EVC2: variants seen among roughly 807,000 people sequenced by gnomAD.
EVC2 encodes limbin.
Under a neutral mutation model 149.3 loss-of-function variants are expected in EVC2, and 148 were observed. That is an observed-to-expected ratio of 0.99 (90% confidence interval 0.87 to 1.14). EVC2 has a LOEUF of 1.14. Ranked by LOEUF, EVC2 falls within the 50% of genes most tolerant of loss-of-function variation. The pLI is 0.00. For synonymous variants in EVC2, 776 were observed against 649.9 expected, an observed-to-expected ratio of 1.19 and a Z score of -2.95; for missense variants, 1,854 against 1,627.3, an observed-to-expected ratio of 1.14 and a Z score of -2.40.
In EVC2 at chr4:5,625,976, G is replaced by C; in HGVS notation, c.1887-68C>G. The stretch of plus-strand genomic sequence containing the variant: ...TCACCTGTAGCTTAACTGCTATTGT[G>C]CCTGAACATTCATCTCCATATTAGT... On this transcript the variant is annotated intron_variant, in intron 12 of 21. Coordinates refer to ENST00000344408, the MANE Select transcript of EVC2 (RefSeq NM_147127.5). The surrounding 1 kb of genome is among the most constrained non-coding windows in gnomAD (Gnocchi z 4.0). 1.3e-6 allele frequency: 2 copies of C among 1,578,634 alleles called. No individual in the cohort carries two copies. Among genetic ancestry groups the C allele is most frequent in the South Asian group, 2.2e-5 (2 of 90,024 alleles).
intron 8 of EVC2, 140 bp downstream of exon 8, chr4:5,665,375 G>A (rs1719197865): frequency 2.4e-6 from 3 of 1,249,916 alleles, no homozygotes; most frequent in Non-Finnish European, 3.4e-6. Flanking sequence ...CAGTTTTGGA[G>A]GTGGGCCCTG....
chr4:5,588,412 T>C (rs1426032947), intron 16 of EVC2, among the ~76,000 whole-genome samples: 1 of 152,204 alleles, frequency 6.6e-6, no homozygotes, highest in Non-Finnish European at 1.5e-5. Flanking sequence ...ACTGAGCTTC[T>C]TAAATCTGTG....
downstream of EVC2, among the ~76,000 whole-genome samples, chr4:5,560,367 C>G (rs542109981): frequency 2.8e-4 from 43 of 152,272 alleles, no homozygotes; most frequent in Non-Finnish European, 5.4e-4. The surrounding 1 kb of genome is among the most constrained non-coding windows in gnomAD (Gnocchi z 4.1). Context: ...CTCACAGTTC[C>G]ACATGACTGG....
At position 5,567,413 on chromosome 4, in the gene EVC2, T is replaced by C. The variant is rs138314242; in HGVS notation, c.3557+1031A>G. Among the ~76,000 whole-genome samples, 1 of 151,242 alleles carries C rather than the reference T, an allele frequency of 6.6e-6. No homozygotes were observed. Among genetic ancestry groups the C allele is most frequent in the African/African-American group, 2.4e-5 (1 of 41,098 alleles). On this transcript the variant is annotated intron_variant, in intron 20 of 21. Coordinates refer to ENST00000344408, the MANE Select transcript of EVC2 (RefSeq NM_147127.5). This position sits in a 1 kb window ranked among gnomAD's most constrained non-coding sequence, Gnocchi z 4.4. ...TTACCCCTTTTCTCAGGACAAATGC[T>C]ATCTACACAGTCATGATGGTTCAGC...
At chr4:5,562,421 G>C, downstream of EVC2, 1 of 1,004,372 alleles carries the variant, frequency 1.0e-6, no homozygotes, top group Non-Finnish European at 1.2e-6. This position sits in a 1 kb window ranked among gnomAD's most constrained non-coding sequence, Gnocchi z 4.3. Context: ...AGCAAACATG[G>C]GTTTTGTAAT....
chr4:5,643,890 C>G (rs1488966751), intron 9 of EVC2, among the ~76,000 whole-genome samples: 1 of 152,040 alleles, frequency 6.6e-6, no homozygotes, highest in African/African-American at 2.4e-5. Context: ...GCGAGACTGT[C>G]TCAAAATAAA....
At chr4:5,538,765 C>T (rs1338824463), downstream of EVC2, among the ~76,000 whole-genome samples, 1 of 152,004 alleles carries the variant, frequency 6.6e-6, no homozygotes, top group African/African-American at 2.4e-5. Flanking sequence ...TGACAAAATC[C>T]AATGTCCATT....
intron 16 of EVC2, among the ~76,000 whole-genome samples, chr4:5,595,982 A>T (rs1713372363): frequency 6.6e-6 from 1 of 152,254 alleles, no homozygotes; most frequent in Non-Finnish European, 1.5e-5. Flanking sequence ...AGGCCATCAC[A>T]TAATGGTAAA....
At chr4:5,617,394 T>C (rs1298141798) in intron 15 of EVC2, among the ~76,000 whole-genome samples, 1 of 152,192 alleles carries the variant, frequency 6.6e-6, no homozygotes, top group Non-Finnish European at 1.5e-5. Context: ...GTTTTCAGTC[T>C]CAACTATTAT....
At chr4:5,563,642 T>C (rs1722088723) in intron 21 of EVC2, among the ~76,000 whole-genome samples, 1 of 152,060 alleles carries the variant, frequency 6.6e-6, no homozygotes. Context: ...ACCCGGCCCA[T>C]TTTCAGGAGT....
chr4:5,665,540 T>C lies in EVC2; in HGVS notation c.980A>G (p.Lys327Arg). 1 of 1,614,072 alleles carries C rather than the reference T, an allele frequency of 6.2e-7. No individual in the cohort carries two copies. The highest frequency in any genetic ancestry group is 8.5e-7 in the Non-Finnish European group (1 of 1,180,016). The change falls in exon 8 of 22, where the codon AAG (lysine) becomes AGG (arginine). Residue 327 changes from lysine to arginine, a missense_variant. By Grantham distance (26) the Lys-to-Arg change is conservative. Transcript: ENST00000344408. Reference sequence around the variant, plus strand: ...CCGATGTCTGGTGAGCATGTTTCCCTTCAGACACTGATAGCGAACCATGAG... The same window carrying C: ...CCGATGTCTGGTGAGCATGTTTCCCCTCAGACACTGATAGCGAACCATGAG... ...LFLMVRYQCL[K>R]GNMLTRHRVW... is the part of the protein sequence containing the mutation.
At position 5,622,652 on chromosome 4, in the gene EVC2, T is replaced by C. The variant is rs1457552316; in HGVS notation, c.2386A>G (p.Arg796Gly). ...TGGACACCCTCCTGGTCCCTGTCCC[T>C]CTCCTCCCCCTCCAGCTGCTCGGCC... ...ARAEQLEGEE[R>G]DRDQEGVQSV... Residue 796 changes from arginine to glycine, a missense_variant, in exon 14 of 22, where the codon AGG (arginine) becomes GGG (glycine). Transcript: ENST00000344408. This position sits in a 1 kb window ranked among gnomAD's most constrained non-coding sequence, Gnocchi z 5.8. The C allele has an allele frequency of 1.2e-6, 2 of 1,613,772 alleles. No homozygotes were observed. Among genetic ancestry groups the C allele is most frequent in the African/African-American group, 2.7e-5 (2 of 74,808 alleles).
chr4:5,706,305 C>CATAGATAGATAGATAG (rs1258572388), intron 1 of EVC2, among the ~76,000 whole-genome samples: 1 of 53,092 alleles, frequency 1.9e-5, no homozygotes, highest in Non-Finnish European at 3.7e-5. Context: ...TAGATAGATA[C>CATAGATAGATAGATAG]ATAGATAGAT....
intron 9 of EVC2, among the ~76,000 whole-genome samples, chr4:5,655,356 C>T (rs1718446091): frequency 6.6e-6 from 1 of 152,094 alleles, no homozygotes; most frequent in Non-Finnish European, 1.5e-5. Flanking sequence ...GTAGAGGGAC[C>T]TAGACACAGG....
rs1053864210 is a variant in EVC2 at position 5,637,408 on chromosome 4, G to C, written c.1470+3106C>G. ...TCAGTTTCCTCACCTGTCAAAGTGAGATCCTCTCAGTCCCTACCTCACTGA... is the reference window on the plus strand; with the variant it reads ...TCAGTTTCCTCACCTGTCAAAGTGACATCCTCTCAGTCCCTACCTCACTGA... On this transcript the variant is annotated intron_variant, in intron 10 of 21. Transcript: ENST00000344408. The surrounding 1 kb of genome is among the most constrained non-coding windows in gnomAD (Gnocchi z 4.4). 6.6e-6 allele frequency among the ~76,000 whole-genome samples: 1 copy of C among 152,180 alleles called. No individual in the cohort carries two copies. Among genetic ancestry groups the C allele is most frequent in the Non-Finnish European group, 1.5e-5 (1 of 68,038 alleles).
At chr4:5,582,156 G>A (rs541283962) in intron 17 of EVC2, among the ~76,000 whole-genome samples, 1 of 152,224 alleles carries the variant, frequency 6.6e-6, no homozygotes, top group Non-Finnish European at 1.5e-5. Context: ...GCCTAGTGGA[G>A]CTGTGATAAG....
At chr4:5,708,208 G>A in intron 1 of EVC2, 78 bp downstream of exon 1, 5 of 1,265,438 alleles carry the variant, frequency 4.0e-6, no homozygotes, top group Non-Finnish European at 5.2e-6. Flanking sequence ...AATACTAAGG[G>A]TCCTCCCTGC....
At chr4:5,580,196 C>T (rs1360113954) in intron 17 of EVC2, among the ~76,000 whole-genome samples, 1 of 152,196 alleles carries the variant, frequency 6.6e-6, no homozygotes, top group Admixed American at 6.5e-5. Flanking sequence ...AAGTGGTTTA[C>T]ACAGAATGAG....
rs138063943 is a variant in EVC2 at position 5,562,454 on chromosome 4, T to C, written c.*394A>G. 2,156 of 1,064,908 alleles carry C rather than the reference T, an allele frequency of 2.0e-3. 18 individuals carry two copies. In the African/African-American group the frequency reaches 0.023, roughly 11 times the overall value. The allele number at this position is 1,064,908 out of a possible 1,614,324, so 66.0% of individuals were successfully genotyped here. ...AATAAACAGCTTTGTGCAAAACACA[T>C]TTATTTTTTAAAATTCCCTTTATAA... On this transcript the variant is annotated 3_prime_UTR_variant, in exon 22 of 22. Transcript: ENST00000344408. The surrounding 1 kb of genome is among the most constrained non-coding windows in gnomAD (Gnocchi z 4.3).
Sources: allele counts gnomAD v4.1 joint callset (sites outside exome capture counted in the v4.1 genomes callset), GRCh38; gene constraint gnomAD v4.1.1; non-coding constraint Gnocchi (gnomAD v3.1); transcripts MANE v1.5; gene names NCBI Gene and HGNC (gene_info 2026-07-23, HGNC 2026-07-21).